DOCK3: variants seen among roughly 807,000 people sequenced by gnomAD.
The protein encoded by DOCK3 is dedicator of cytokinesis protein 3.
DOCK3 carries 60 observed loss-of-function variants against 265.6 expected under a neutral mutation model. The observed-to-expected ratio is 0.23, with a 90% CI of 0.18 to 0.28. The LOEUF (loss-of-function observed/expected upper bound fraction) is 0.28, where lower values mean the gene tolerates loss of function less well. Ranked by LOEUF, DOCK3 falls within the 10% of genes least tolerant of loss-of-function variation. The probability of loss-of-function intolerance (pLI) is 1.00; values close to 1 mark genes in which losing one functional copy is unlikely to be tolerated. For synonymous variants in DOCK3, 881 were observed against 938.0 expected, an observed-to-expected ratio of 0.94 and a Z score of 1.11; for missense variants, 1,981 against 2,594.3, an observed-to-expected ratio of 0.76 and a Z score of 5.14.
intron 1 of DOCK3, among the ~76,000 whole-genome samples, chr3:50,714,462 T>A (rs2036970750): frequency 6.6e-6 from 1 of 152,214 alleles, no homozygotes; most frequent in Non-Finnish European, 1.5e-5. Context: ...TCCTGATTTA[T>A]GTCTCTGACT....
chr3:51,239,565 TGTTTGTTTGTTTTTTG>T (rs2078509006), intron 21 of DOCK3, among the ~76,000 whole-genome samples: 1 of 145,682 alleles, frequency 6.9e-6, no homozygotes. Flanking sequence ...GTTTTTTTTT[TGTTTGTTTGTTTTTTG>T]TTTTTTTTGT....
chr3:50,736,952 A>G (rs1424165062), intron 1 of DOCK3, among the ~76,000 whole-genome samples: 1 of 152,064 alleles, frequency 6.6e-6, no homozygotes, highest in Non-Finnish European at 1.5e-5. Flanking sequence ...TCGGCCTCCC[A>G]AAGTGCTGGG....
At chr3:51,122,833 G>A (rs572654819) in intron 9 of DOCK3, among the ~76,000 whole-genome samples, 1 of 152,298 alleles carries the variant, frequency 6.6e-6, no homozygotes, top group East Asian at 1.9e-4. Flanking sequence ...GATATATGAG[G>A]ACATAGAGAT....
At position 51,208,813 on chromosome 3, in the gene DOCK3, C is replaced by A; in HGVS notation, c.1077C>A (p.Asn359Lys). 6.2e-7 allele frequency: 1 copy of A among 1,612,276 alleles called. No individual in the cohort carries two copies. Among genetic ancestry groups the A allele is most frequent in the Non-Finnish European group, 8.5e-7 (1 of 1,179,334 alleles). ...GTGAGTGGTCCCAGATCCACGAGAACATCATCCGAAAGTCCAGTGCCAAGT... is the reference window on the plus strand; with the variant it reads ...GTGAGTGGTCCCAGATCCACGAGAAAATCATCCGAAAGTCCAGTGCCAAGT... ...NESEWSQIHE[N>K]IIRKSSAKYS... The change falls in exon 13 of 53, where the codon AAC (asparagine) becomes AAA (lysine). Residue 359 changes from asparagine (N) to lysine (K), a missense_variant. Asn to Lys is a moderately conservative substitution (Grantham distance 94). Around this residue, in one of 4 missense-constraint regions of DOCK3, gnomAD observed 456 missense variants for 539.0 expected, o/e 0.85. Transcript: ENST00000266037.
intron 4 of DOCK3, among the ~76,000 whole-genome samples, chr3:50,911,494 A>G (rs1415508539): frequency 3.9e-5 from 6 of 151,930 alleles, no homozygotes; most frequent in African/African-American, 7.3e-5. Context: ...TTTGTTCTCT[A>G]TTCTGTTTCA....
chr3:51,036,070 A>T (rs755195959), intron 5 of DOCK3, among the ~76,000 whole-genome samples: 25 of 152,266 alleles, frequency 1.6e-4, no homozygotes, highest in Middle Eastern at 3.4e-3. Flanking sequence ...ATCTAAAAAA[A>T]TTTTTTAAAC....
chr3:50,695,603 T>G lies in DOCK3; in HGVS notation c.37+20303T>G, dbSNP rs542623189. Among the ~76,000 whole-genome samples, 133 of 152,300 alleles carry G rather than the reference T, an allele frequency of 8.7e-4. 3 individuals are homozygous for G. In the South Asian group the frequency reaches 0.027, roughly 31 times the overall value. On this transcript the variant is annotated intron_variant, in intron 1 of 52. Coordinates refer to ENST00000266037, the MANE Select transcript of DOCK3 (RefSeq NM_004947.5). ...TCCAAACCCAGTTTGGATCAGAAATTTGCTCAAAGAGACTCAAAGAGCGCT... is the reference window on the plus strand; with the variant it reads ...TCCAAACCCAGTTTGGATCAGAAATGTGCTCAAAGAGACTCAAAGAGCGCT...
chr3:51,189,363 G>A (rs1052961946), intron 12 of DOCK3, among the ~76,000 whole-genome samples: 2 of 152,028 alleles, frequency 1.3e-5, no homozygotes, highest in Non-Finnish European at 1.5e-5. Context: ...CCCATCACCC[G>A]AGTAGTGTAC....
Position 50,729,217 on chromosome 3 carries a change from G to A in DOCK3, c.38-49458G>A, listed in dbSNP as rs191427189. Among the ~76,000 whole-genome samples, 21 of 147,626 alleles carry A rather than the reference G, an allele frequency of 1.4e-4. No individual in the cohort carries two copies. In the East Asian group the frequency reaches 2.0e-3, roughly 14 times the overall value. On this transcript the variant is annotated intron_variant, in intron 1 of 52. Coordinates refer to ENST00000266037, the MANE Select transcript of DOCK3 (RefSeq NM_004947.5). Reference sequence around the variant, plus strand: ...GGTGTGCCTGTATTCCCAGCTACTCGGGAGGCTTAAGGTGAGATCGCTTGA... The same window carrying A: ...GGTGTGCCTGTATTCCCAGCTACTCAGGAGGCTTAAGGTGAGATCGCTTGA...
At chr3:51,118,945 T>G (rs1345069195) in intron 9 of DOCK3, among the ~76,000 whole-genome samples, 1 of 152,218 alleles carries the variant, frequency 6.6e-6, no homozygotes, top group East Asian at 1.9e-4. Flanking sequence ...AGTCTGTGCC[T>G]TTTAATTGGG....
chr3:50,793,531 A>C (rs1033001093), intron 2 of DOCK3, among the ~76,000 whole-genome samples: 4 of 150,458 alleles, frequency 2.7e-5, no homozygotes, highest in Non-Finnish European at 5.9e-5. Context: ...TAATTTTTGT[A>C]TTTTTTAGTA....
intron 49 of DOCK3, among the ~76,000 whole-genome samples, chr3:51,369,098 C>G (rs1302525234): frequency 6.6e-6 from 1 of 152,204 alleles, no homozygotes; most frequent in Non-Finnish European, 1.5e-5. Context: ...GAAACCAAAG[C>G]AGAAAAGCTG....
chr3:51,360,579 G>A lies in DOCK3; in HGVS notation c.4953G>A (p.Leu1651=). 1 of 1,613,744 alleles carries A rather than the reference G, an allele frequency of 6.2e-7. No individual in the cohort carries two copies. Among genetic ancestry groups the A allele is most frequent in the Non-Finnish European group, 8.5e-7 (1 of 1,179,798 alleles). Residue 1651 remains leucine (L), a synonymous_variant, in exon 47 of 53, where the codon CTG becomes CTA. Coordinates refer to ENST00000266037, the MANE Select transcript of DOCK3 (RefSeq NM_004947.5). ...CCAGCACCCCACGGGGAAATGTTCT[G>A]GCATCCCATAGCCCCATGAGTCCGG... The part of the protein sequence containing the change: ...SGTSTPRGNV[L]ASHSPMSPES...
At chr3:51,341,110 T>G in intron 37 of DOCK3, 127 bp from the exon 38 acceptor site, 1 of 1,166,170 alleles carries the variant, frequency 8.6e-7, no homozygotes, top group Non-Finnish European at 1.2e-6. Flanking sequence ...TAGTATCCAG[T>G]GTCCCCGACC....
intron 27 of DOCK3, among the ~76,000 whole-genome samples, chr3:51,283,190 A>G (rs2109027091): frequency 6.6e-6 from 1 of 152,318 alleles, no homozygotes; most frequent in South Asian, 2.1e-4. Flanking sequence ...CAGGCAACTG[A>G]GGAAACATCC....
chr3:51,329,473 C>T (rs2084375283), intron 32 of DOCK3, among the ~76,000 whole-genome samples: 1 of 152,270 alleles, frequency 6.6e-6, no homozygotes, highest in South Asian at 2.1e-4. Flanking sequence ...CTGCTGAATG[C>T]CCTTGCAAAT....
chr3:50,964,038 C>T (rs1193145485), intron 5 of DOCK3, among the ~76,000 whole-genome samples: 2 of 152,212 alleles, frequency 1.3e-5, no homozygotes, highest in African/African-American at 2.4e-5. Context: ...TTACACTGTG[C>T]TGCAGATAGT....
chr3:50,931,384 G>A (rs1227370936), intron 4 of DOCK3, among the ~76,000 whole-genome samples: 1 of 152,062 alleles, frequency 6.6e-6, no homozygotes, highest in Non-Finnish European at 1.5e-5. Context: ...ACCTATTTGT[G>A]CTTTATGTTT....
chr3:51,097,844 G>A (rs902298253), intron 9 of DOCK3, among the ~76,000 whole-genome samples: 13 of 152,156 alleles, frequency 8.5e-5, no homozygotes, highest in African/African-American at 2.7e-4. Flanking sequence ...AGTCCCTCAC[G>A]GCTTTCCTTG....
Sources: allele counts gnomAD v4.1 joint callset (sites outside exome capture counted in the v4.1 genomes callset), GRCh38; gene constraint gnomAD v4.1.1; regional missense constraint gnomAD v4.1.1; transcripts MANE v1.5; gene names NCBI Gene and HGNC (gene_info 2026-07-23, HGNC 2026-07-21).